EYA4: variants seen among roughly 807,000 people sequenced by gnomAD.
EYA4 encodes the protein EYA transcriptional coactivator and phosphatase 4.
A neutral mutation model predicts 87.9 loss-of-function variants in EYA4; 31 were observed. The observed-to-expected ratio is 0.35, with a 90% CI of 0.27 to 0.48. The LOEUF is 0.48. Among genes scored for constraint, EYA4 ranks in the 20% least tolerant of loss-of-function variants. EYA4 has a pLI of 0.99. For missense variants in EYA4, 678 were observed against 761.4 expected, an observed-to-expected ratio of 0.89 and a Z score of 1.29; for synonymous variants, 263 against 270.6, an observed-to-expected ratio of 0.97 and a Z score of 0.28.
chr6:133,389,342 T>C (rs1262899964), intron 3 of EYA4, among the ~76,000 whole-genome samples: 2 of 152,150 alleles, frequency 1.3e-5, no homozygotes, highest in East Asian at 3.9e-4. Flanking sequence ...CCCACTGTCA[T>C]AAGGCCACAG....
At chr6:133,357,290 AAAAAG>A (rs1456833391) in intron 2 of EYA4, among the ~76,000 whole-genome samples, 1 of 151,170 alleles carries the variant, frequency 6.6e-6, no homozygotes, top group Non-Finnish European at 1.5e-5. Context: ...AAAAAAAAAA[AAAAAG>A]AGCAGAAAAA....
intron 5 of EYA4, among the ~76,000 whole-genome samples, chr6:133,449,472 A>G (rs751063354): frequency 1.3e-5 from 2 of 152,218 alleles, no homozygotes; most frequent in Non-Finnish European, 2.9e-5. Context: ...TTTACCTCTG[A>G]TCTCAACCAG....
At chr6:133,293,141 C>T (rs1048303983) in intron 2 of EYA4, among the ~76,000 whole-genome samples, 5 of 152,280 alleles carry the variant, frequency 3.3e-5, no homozygotes, top group African/African-American at 1.2e-4. Context: ...TCAGCATCCT[C>T]AATTCCTCCT....
chr6:133,480,676 G>A (rs186014750), intron 11 of EYA4, among the ~76,000 whole-genome samples: 11 of 152,220 alleles, frequency 7.2e-5, no homozygotes, highest in African/African-American at 2.6e-4. Context: ...TGATAACATG[G>A]ATATATTGGG....
At chr6:133,479,158 G>C (rs1795993576) in intron 11 of EYA4, among the ~76,000 whole-genome samples, 2 of 152,062 alleles carry the variant, frequency 1.3e-5, no homozygotes, top group African/African-American at 4.8e-5. Context: ...GGAAAATTCT[G>C]TTTCAAAAAT....
At chr6:133,374,383 G>C (rs1217933791) in intron 2 of EYA4, among the ~76,000 whole-genome samples, 1 of 151,916 alleles carries the variant, frequency 6.6e-6, no homozygotes, top group Non-Finnish European at 1.5e-5. Flanking sequence ...CGCATTAAAG[G>C]CCAGAAATCA....
intron 2 of EYA4, among the ~76,000 whole-genome samples, chr6:133,336,177 G>A (rs1313509420): frequency 2.0e-5 from 3 of 152,144 alleles, no homozygotes; most frequent in African/African-American, 7.2e-5. Flanking sequence ...TGCTAAAATT[G>A]TTAGAGGAAT....
At chr6:133,496,807 T>C (rs1041643649) in intron 13 of EYA4, among the ~76,000 whole-genome samples, 1 of 152,324 alleles carries the variant, frequency 6.6e-6, no homozygotes, top group Non-Finnish European at 1.5e-5. Context: ...AAAATATACC[T>C]TCTTTCTCCA....
intron 2 of EYA4, among the ~76,000 whole-genome samples, chr6:133,375,966 A>G (rs187313467): frequency 1.2e-3 from 185 of 151,930 alleles, no homozygotes; most frequent in African/African-American, 4.2e-3. Context: ...GTATGCATTC[A>G]TATAAGACTC....
chr6:133,278,747 T>G (rs998513668), intron 2 of EYA4, among the ~76,000 whole-genome samples: 2 of 152,188 alleles, frequency 1.3e-5, no homozygotes, highest in Non-Finnish European at 2.9e-5. Flanking sequence ...GCATTCTGGC[T>G]TAGAGGATGT....
intron 2 of EYA4, among the ~76,000 whole-genome samples, chr6:133,327,143 T>G (rs980950764): frequency 6.6e-6 from 1 of 152,104 alleles, no homozygotes; most frequent in African/African-American, 2.4e-5. Flanking sequence ...TTTTATTTTA[T>G]TTTTATTTTT....
At chr6:133,342,574 C>CATATATATATATATAT (rs56987430) in intron 2 of EYA4, among the ~76,000 whole-genome samples, 1,872 of 99,942 alleles carry the variant, frequency 0.019, 54 homozygotes, top group East Asian at 0.023. Context: ...TACACACTGC[C>CATATATATATATATAT]ATATATATAT....
intron 11 of EYA4, among the ~76,000 whole-genome samples, chr6:133,474,188 T>C (rs1315276093): frequency 6.6e-6 from 1 of 152,010 alleles, no homozygotes; most frequent in Non-Finnish European, 1.5e-5. Context: ...TTTAATTTGC[T>C]AGACTACAGC....
intron 17 of EYA4, 142 bp from the exon 18 acceptor site, chr6:133,522,914 G>A: frequency 1.5e-6 from 1 of 682,850 alleles, no homozygotes; most frequent in East Asian, 2.7e-5. Flanking sequence ...TTGGAGGAGT[G>A]TCTGTCTGCT....
chr6:133,403,426 A>T (rs1332555768), intron 3 of EYA4, among the ~76,000 whole-genome samples: 2 of 152,214 alleles, frequency 1.3e-5, no homozygotes, highest in Non-Finnish European at 2.9e-5. Context: ...TAGAGGACAT[A>T]GTCACATAAA....
intron 2 of EYA4, among the ~76,000 whole-genome samples, chr6:133,286,168 G>A (rs1778042045): frequency 6.6e-6 from 1 of 152,126 alleles, no homozygotes; most frequent in African/African-American, 2.4e-5. Flanking sequence ...GAGGCCTCAG[G>A]GAAACAATGG....
chr6:133,273,613 A>G (rs1776918526), intron 1 of EYA4, among the ~76,000 whole-genome samples: 7 of 152,156 alleles, frequency 4.6e-5, no homozygotes, highest in Non-Finnish European at 2.9e-5. Context: ...GATTATGTTC[A>G]TCTATGATGA....
At chr6:133,299,937 ATCTATC>A (rs1457749279) in intron 2 of EYA4, among the ~76,000 whole-genome samples, 7 of 127,194 alleles carry the variant, frequency 5.5e-5, no homozygotes, top group Non-Finnish European at 8.5e-5. Context: ...CTATCTATCT[ATCTATC>A]TATCTATCTA....
At chr6:133,463,958 C>T (rs1794631025) in intron 9 of EYA4, among the ~76,000 whole-genome samples, 2 of 150,622 alleles carry the variant, frequency 1.3e-5, no homozygotes, top group South Asian at 4.2e-4. Flanking sequence ...ATGTGACAGA[C>T]AGTATTTTTT....
Sources: gnomAD v4.1 joint callset for allele counts (sites outside exome capture counted in the v4.1 genomes callset) on GRCh38, gnomAD v4.1.1 for gene constraint, MANE v1.5 for transcripts, NCBI Gene and HGNC (gene_info 2026-07-23, HGNC 2026-07-21) for gene names.